The following CDC14B variants were observed in gnomAD, a reference collection of about 807,000 sequenced individuals.
CDC14B encodes the protein cell division cycle 14B, also known as dual specificity protein phosphatase CDC14B.
Under a neutral mutation model 64.2 loss-of-function variants are expected in CDC14B, and 22 were observed. The observed-to-expected ratio is 0.34, with a 90% CI of 0.24 to 0.49. The LOEUF is 0.49. Ranked by LOEUF, CDC14B falls within the 20% of genes least tolerant of loss-of-function variation. The probability of loss-of-function intolerance (pLI) is 0.99; values close to 1 mark genes in which losing one functional copy is unlikely to be tolerated. For missense variants in CDC14B, 498 were observed against 629.9 expected, an observed-to-expected ratio of 0.79 and a Z score of 2.24; for synonymous variants, 191 against 215.8, an observed-to-expected ratio of 0.89 and a Z score of 1.01.
chr9:96,574,887 G>T (rs566385432), intron 1 of CDC14B, among the ~76,000 whole-genome samples: 1 of 152,092 alleles, frequency 6.6e-6, no homozygotes, highest in Non-Finnish European at 1.5e-5. Flanking sequence ...CAATAAATAC[G>T]TGAGCACAGA....
chr9:96,548,501 T>TAC (rs939124743), intron 5 of CDC14B, among the ~76,000 whole-genome samples: 18 of 151,788 alleles, frequency 1.2e-4, no homozygotes, highest in Non-Finnish European at 1.0e-4. Context: ...CACACATACA[T>TAC]ACACACACAC....
chr9:96,561,845 G>T (rs1241762582), intron 4 of CDC14B, among the ~76,000 whole-genome samples: 3 of 151,920 alleles, frequency 2.0e-5, no homozygotes, highest in Non-Finnish European at 4.4e-5. Flanking sequence ...TGGTGGGGTG[G>T]GGGTGGAAGA....
intron 1 of CDC14B, among the ~76,000 whole-genome samples, chr9:96,577,122 G>A (rs985909595): frequency 1.9e-4 from 29 of 152,034 alleles, no homozygotes; most frequent in Non-Finnish European, 4.4e-5. Flanking sequence ...GTGGTGGCAT[G>A]TGCCTGTAAT....
intron 1 of CDC14B, chr9:96,566,822 C>G (rs1412831900): frequency 6.2e-7 from 1 of 1,604,884 alleles, no homozygotes; most frequent in Non-Finnish European, 8.5e-7. Flanking sequence ...CTCATGACTC[C>G]AAAGCATCTG....
At chr9:96,604,321 A>G (rs1225989371) in intron 1 of CDC14B, among the ~76,000 whole-genome samples, 2 of 150,446 alleles carry the variant, frequency 1.3e-5, no homozygotes, top group Non-Finnish European at 3.0e-5. Context: ...ATTTCCTTGA[A>G]AAGGCCTCGT....
chr9:96,551,926 G>A (rs753493134), intron 4 of CDC14B, 54 bp from the exon 5 acceptor site: 3 of 1,559,094 alleles, frequency 1.9e-6, no homozygotes, highest in Non-Finnish European at 2.6e-6. Context: ...AAGATACAGT[G>A]CTGTCACTGC....
At chr9:96,547,158 T>A (rs1047627407) in intron 5 of CDC14B, among the ~76,000 whole-genome samples, 1 of 147,004 alleles carries the variant, frequency 6.8e-6, no homozygotes, top group Non-Finnish European at 1.5e-5. Flanking sequence ...CAAGTGTTTG[T>A]TTTTTTTTTA....
At chr9:96,604,347 TA>T (rs1846715712) in intron 1 of CDC14B, among the ~76,000 whole-genome samples, 7 of 66,484 alleles carry the variant, frequency 1.1e-4, no homozygotes, top group African/African-American at 8.4e-4. Flanking sequence ...TTGCATTTAT[TA>T]TTATTATTAT....
intron 10 of CDC14B, 32 bp downstream of exon 10, chr9:96,523,555 C>T: frequency 6.2e-7 from 1 of 1,613,416 alleles, no homozygotes; most frequent in Non-Finnish European, 8.5e-7. Context: ...CCACATGTTC[C>T]CTGGGAACTA....
intron 1 of CDC14B, among the ~76,000 whole-genome samples, chr9:96,595,571 A>G (rs931827245): frequency 6.6e-6 from 1 of 152,230 alleles, no homozygotes; most frequent in African/African-American, 2.4e-5. Context: ...AACAACTTGA[A>G]TGTGCATCAA....
chr9:96,612,523 G>A (rs1210810357), intron 1 of CDC14B, among the ~76,000 whole-genome samples: 1 of 152,024 alleles, frequency 6.6e-6, no homozygotes, highest in Non-Finnish European at 1.5e-5. Context: ...CTAATAATCT[G>A]TCTGTGCTCA....
chr9:96,522,920 CTT>C (rs1836968613), intron 11 of CDC14B, among the ~76,000 whole-genome samples: 1 of 152,166 alleles, frequency 6.6e-6, no homozygotes. Flanking sequence ...CCCCCTAAGC[CTT>C]TGATTTGTTA....
At chr9:96,505,394 C>G (rs1833982445) in intron 13 of CDC14B, among the ~76,000 whole-genome samples, 1 of 152,028 alleles carries the variant, frequency 6.6e-6, no homozygotes, top group Admixed American at 6.5e-5. Context: ...ATGAAGTTAT[C>G]ATTTTAAAAA....
chr9:96,524,185 C>T (rs1331611228), intron 9 of CDC14B, among the ~76,000 whole-genome samples: 1 of 152,258 alleles, frequency 6.6e-6, no homozygotes, highest in Non-Finnish European at 1.5e-5. Flanking sequence ...GGTGATCCGC[C>T]TGCCTTGGCC....
At chr9:96,494,220 C>T (rs911119015) in intron 13 of CDC14B, among the ~76,000 whole-genome samples, 10 of 152,236 alleles carry the variant, frequency 6.6e-5, no homozygotes, top group African/African-American at 1.2e-4. Context: ...TCTACACACT[C>T]CTGAAATTTC....
downstream of CDC14B, among the ~76,000 whole-genome samples, chr9:96,498,261 G>A (rs939251710): frequency 6.6e-6 from 1 of 152,192 alleles, no homozygotes; most frequent in South Asian, 2.1e-4. Flanking sequence ...GCACAGCCAC[G>A]TACTTCTGTT....
chr9:96,570,639 G>A (rs1844409733), intron 1 of CDC14B, among the ~76,000 whole-genome samples: 1 of 152,244 alleles, frequency 6.6e-6, no homozygotes, highest in South Asian at 2.1e-4. Context: ...ACGGGGAGCA[G>A]AGGAAGAACT....
At chr9:96,533,812 C>G (rs1838875667) in intron 9 of CDC14B, 115 bp downstream of exon 9, 2 of 611,504 alleles carry the variant, frequency 3.3e-6, no homozygotes, top group African/African-American at 3.7e-5. Flanking sequence ...TCACGGCACT[C>G]TAAAAATAAA....
chr9:96,516,880 C>G (rs11790862), intron 12 of CDC14B, among the ~76,000 whole-genome samples: 3 of 151,594 alleles, frequency 2.0e-5, no homozygotes, highest in Non-Finnish European at 2.9e-5. Flanking sequence ...CAACCTCCCC[C>G]TCCCGGGTTC....
Sources: gnomAD v4.1 joint callset for allele counts (sites outside exome capture counted in the v4.1 genomes callset) on GRCh38, gnomAD v4.1.1 for gene constraint, MANE v1.5 for transcripts, NCBI Gene and HGNC (gene_info 2026-07-23, HGNC 2026-07-21) for gene names.